COA5: variants seen among roughly 807,000 people sequenced by gnomAD.
The protein encoded by COA5 is cytochrome c oxidase assembly factor 5.
COA5 carries 11 observed loss-of-function variants against 11.8 expected under a neutral mutation model. The observed-to-expected ratio is 0.93, with a 90% CI of 0.59 to 1.54. COA5 has a LOEUF of 1.54. Ranked by LOEUF, COA5 falls within the 40% of genes most tolerant of loss-of-function variation. The pLI, the probability that COA5 is intolerant of heterozygous loss-of-function variation, is 0.00. For missense variants in COA5, 87 were observed against 89.2 expected (o/e 0.97, Z 0.10); for synonymous variants, 38 against 37.5 (o/e 1.01, Z -0.05).
chr2:98,606,780 A>C (rs111881889), intron 1 of COA5, among the ~76,000 whole-genome samples: 1 of 152,098 alleles, frequency 6.6e-6, no homozygotes. Flanking sequence ...GTCTGGATAA[A>C]ATCCAGTCTC....
At chr2:98,608,214 C>A in intron 1 of COA5, 93 bp downstream of exon 1, 1 of 956,948 alleles carries the variant, frequency 1.0e-6, no homozygotes, top group South Asian at 1.4e-5. Flanking sequence ...ATGGTTAACT[C>A]CAACCGCCGC....
Position 98,600,554 on chromosome 2 carries a change from A to AAAT in COA5, c.*195_*197dup. 1.7e-6 allele frequency: 1 copy of AAAT among 598,962 alleles called. No homozygotes were observed. 37.1% of individuals were successfully genotyped at this position (598,962 alleles called of 1,614,324 possible). A position where few individuals can be genotyped will look rare whatever the true frequency, so the allele number is the denominator to read the frequency against. ...CTGTTCAATTAGGTTTTTCTTCTAAAAATAACTTGGATCAAGAGAATCATT... is the reference window on the plus strand; with the variant it reads ...CTGTTCAATTAGGTTTTTCTTCTAAAAATAATAACTTGGATCAAGAGAATCATT... On this transcript the variant is annotated 3_prime_UTR_variant, in exon 3 of 3. Coordinates refer to ENST00000328709, the MANE Select transcript of COA5 (RefSeq NM_001008215.3).
Position 98,608,402 on chromosome 2 carries a change from G to A in COA5, c.4C>T (p.Pro2Ser). The change falls in exon 1 of 3, where the codon CCT (proline) becomes TCT (serine). Residue 2 changes from proline to serine, a missense_variant. Pro to Ser is a moderately conservative substitution (Grantham distance 74). Transcript: ENST00000328709. The stretch of plus-strand genomic sequence containing the variant: ...TGCGGCTTGTCCTCATAATACTTAG[G>A]CATGACGGCGCTTCCCCTCCGATGC... M[P>S]KYYEDKPQGG... 1 of 1,595,882 alleles carries A rather than the reference G, an allele frequency of 6.3e-7. No homozygotes were observed. The highest frequency in any genetic ancestry group is 8.5e-7 in the Non-Finnish European group (1 of 1,173,040).
rs1262667822 is a variant in COA5 at position 98,608,306 on chromosome 2, C to T, written c.99+1G>A. ...CCACCGGGAGCGCCCGGCCGCGCTA[C>T]CTGGACCACACAGTCCGACTGCAGC... On this transcript the variant is annotated splice_donor_variant, in intron 1 of 2. Transcript: ENST00000328709. LOFTEE classifies it high-confidence loss of function. 7 of 1,598,436 alleles carry T rather than the reference C, an allele frequency of 4.4e-6. No homozygotes were observed. The highest frequency in any genetic ancestry group is 1.7e-6 in the Non-Finnish European group (2 of 1,173,556).
At chr2:98,608,156 G>A in intron 1 of COA5, 151 bp downstream of exon 1, 1 of 661,368 alleles carries the variant, frequency 1.5e-6, no homozygotes, top group Non-Finnish European at 2.7e-6. Context: ...CGACAGCTCA[G>A]TGGATCTGCG....
intron 1 of COA5, among the ~76,000 whole-genome samples, chr2:98,606,932 T>C (rs1424236776): frequency 6.6e-6 from 1 of 152,140 alleles, no homozygotes; most frequent in Non-Finnish European, 1.5e-5. Flanking sequence ...TTCTTTCAGA[T>C]TTTCCCCACA....
intron 2 of COA5, among the ~76,000 whole-genome samples, chr2:98,601,694 C>T (rs1202954524): frequency 6.6e-6 from 1 of 152,158 alleles, no homozygotes; most frequent in East Asian, 1.9e-4. Flanking sequence ...AGGAAGCAGG[C>T]CACACAGGTG....
chr2:98,603,340 G>A (rs979944838), intron 2 of COA5, among the ~76,000 whole-genome samples: 1 of 152,104 alleles, frequency 6.6e-6, no homozygotes, highest in African/African-American at 2.4e-5. Context: ...AATTAGCTGG[G>A]CACAGTGGCA....
intron 2 of COA5, 38 bp from the exon 3 acceptor site, chr2:98,600,831 A>ATG: frequency 6.6e-6 from 9 of 1,357,382 alleles, no homozygotes; most frequent in Non-Finnish European, 9.4e-6. Flanking sequence ...ATTTGGTACA[A>ATG]TGTAATTAAT....
At chr2:98,607,434 G>A (rs191357083) in intron 1 of COA5, among the ~76,000 whole-genome samples, 7 of 152,346 alleles carry the variant, frequency 4.6e-5, no homozygotes, top group Non-Finnish European at 1.0e-4. Flanking sequence ...GGCGAGAATG[G>A]CTGACTGCTA....
intron 2 of COA5, among the ~76,000 whole-genome samples, chr2:98,601,857 G>C (rs753353935): frequency 6.6e-6 from 1 of 152,132 alleles, no homozygotes; most frequent in Non-Finnish European, 1.5e-5. Flanking sequence ...TTCCTTATGA[G>C]AATCTAATGC....
At chr2:98,604,223 CT>C (rs1205865503) in intron 1 of COA5, 32 bp from the exon 2 acceptor site, 18 of 1,516,174 alleles carry the variant, frequency 1.2e-5, no homozygotes, top group Non-Finnish European at 1.6e-5. Context: ...ATATAAACAC[CT>C]TGGAAATTTT....
intron 2 of COA5, among the ~76,000 whole-genome samples, chr2:98,601,837 A>C (rs1700645185): frequency 1.3e-5 from 2 of 152,138 alleles, no homozygotes; most frequent in Non-Finnish European, 2.9e-5. Flanking sequence ...CAAGGGATCT[A>C]GGTGGTACGT....
At chr2:98,606,010 G>C (rs1351020726) in intron 1 of COA5, among the ~76,000 whole-genome samples, 1 of 152,060 alleles carries the variant, frequency 6.6e-6, no homozygotes, top group Non-Finnish European at 1.5e-5. Context: ...CTAACTCCTT[G>C]ACAGTCTCCC....
chr2:98,606,109 A>AAGAAG (rs1700703080), intron 1 of COA5, among the ~76,000 whole-genome samples: 1 of 152,216 alleles, frequency 6.6e-6, no homozygotes, highest in Admixed American at 6.5e-5. Context: ...AAAGACTGGC[A>AAGAAG]AGAAGAGACT....
At chr2:98,602,719 TACTGATATTTAGA>T (rs1222753804) in intron 2 of COA5, 1 of 154,302 alleles carries the variant, frequency 6.5e-6, no homozygotes, top group Non-Finnish European at 1.5e-5. Context: ...CTCTGCCTTG[TACTGATATTTAGA>T]AATGGTAAGA....
intron 1 of COA5, among the ~76,000 whole-genome samples, chr2:98,606,527 A>C (rs1363442848): frequency 6.6e-6 from 1 of 152,226 alleles, no homozygotes; most frequent in Non-Finnish European, 1.5e-5. Context: ...CTCTGCCTAC[A>C]GCATTCTAGC....
intron 1 of COA5, among the ~76,000 whole-genome samples, chr2:98,605,384 A>C (rs1324120851): frequency 6.6e-6 from 1 of 152,164 alleles, no homozygotes; most frequent in Non-Finnish European, 1.5e-5. Flanking sequence ...TGTGGAAGCA[A>C]ACCAGTCTTG....
intron 1 of COA5, among the ~76,000 whole-genome samples, chr2:98,606,392 C>G (rs550834575): frequency 6.6e-6 from 1 of 152,188 alleles, no homozygotes; most frequent in African/African-American, 2.4e-5. Flanking sequence ...AAACTGTATA[C>G]GAACTTCCAT....
Sources: gnomAD v4.1 joint callset for allele counts (sites outside exome capture counted in the v4.1 genomes callset) on GRCh38, gnomAD v4.1.1 for gene constraint, MANE v1.5 for transcripts, NCBI Gene and HGNC (gene_info 2026-07-23, HGNC 2026-07-21) for gene names.